The following PPP4R2 variants were observed in gnomAD, a reference collection of about 807,000 sequenced individuals.
The protein encoded by PPP4R2 is serine/threonine-protein phosphatase 4 regulatory subunit 2.
In PPP4R2, 13 loss-of-function variants were observed where a neutral mutation model predicts 47.2. That is an observed-to-expected ratio of 0.28 (90% CI 0.18 to 0.44). The LOEUF is 0.44. Among genes scored for constraint, PPP4R2 ranks in the 20% least tolerant of loss-of-function variants. PPP4R2 has a pLI of 1.00. For synonymous variants in PPP4R2, 151 were observed against 163.3 expected, an observed-to-expected ratio of 0.92 and a Z score of 0.57; for missense variants, 421 against 491.2, an observed-to-expected ratio of 0.86 and a Z score of 1.35.
intron 2 of PPP4R2, among the ~76,000 whole-genome samples, chr3:73,004,744 C>G (rs565554369): frequency 6.6e-6 from 1 of 152,266 alleles, no homozygotes; most frequent in South Asian, 2.1e-4. Context: ...CCATGCCTGG[C>G]CAGCTGTTAA....
chr3:73,040,411 T>C (rs958646362), intron 2 of PPP4R2, among the ~76,000 whole-genome samples: 5 of 152,084 alleles, frequency 3.3e-5, no homozygotes, highest in African/African-American at 1.2e-4. Context: ...CCTCAGGTGA[T>C]AAATAGATGC....
chr3:73,038,106 T>C (rs1308245678), intron 2 of PPP4R2, among the ~76,000 whole-genome samples: 2 of 152,016 alleles, frequency 1.3e-5, no homozygotes, highest in African/African-American at 2.4e-5. Context: ...TGATGGCAGA[T>C]TGGAATTGGT....
intron 3 of PPP4R2, among the ~76,000 whole-genome samples, chr3:73,058,452 A>C (rs992416950): frequency 6.6e-6 from 1 of 152,054 alleles, no homozygotes; most frequent in Non-Finnish European, 1.5e-5. Flanking sequence ...CTATTATATA[A>C]AAATTTTTTC....
At chr3:73,008,815 C>T (rs566619355) in intron 2 of PPP4R2, among the ~76,000 whole-genome samples, 2 of 152,232 alleles carry the variant, frequency 1.3e-5, no homozygotes, top group South Asian at 2.1e-4. Context: ...AGTACTTAAT[C>T]TTGTGGAATG....
chr3:73,039,911 A>G (rs541819929), intron 2 of PPP4R2, among the ~76,000 whole-genome samples: 3 of 152,242 alleles, frequency 2.0e-5, no homozygotes, highest in South Asian at 4.1e-4. Flanking sequence ...AAAATTAGCC[A>G]GGCATGGTGG....
intron 2 of PPP4R2, among the ~76,000 whole-genome samples, chr3:73,012,571 G>A (rs1701747791): frequency 6.6e-6 from 1 of 152,154 alleles, no homozygotes; most frequent in Non-Finnish European, 1.5e-5. Context: ...AAAGTGCTGG[G>A]GCTACAGGCG....
intron 2 of PPP4R2, among the ~76,000 whole-genome samples, chr3:73,028,088 C>G (rs1232077151): frequency 6.6e-6 from 1 of 151,514 alleles, no homozygotes; most frequent in East Asian, 2.0e-4. Flanking sequence ...GAAACCTCAT[C>G]TCTACTAAAA....
intron 1 of PPP4R2, 53 bp downstream of exon 1, chr3:72,997,124 T>G: frequency 1.6e-6 from 2 of 1,287,288 alleles, no homozygotes; most frequent in Admixed American, 3.6e-5. Context: ...GGCTCGCTCT[T>G]CTCTCCTTTC....
intron 2 of PPP4R2, among the ~76,000 whole-genome samples, chr3:73,008,830 C>G (rs1701667206): frequency 6.6e-6 from 1 of 152,144 alleles, no homozygotes; most frequent in South Asian, 2.1e-4. Flanking sequence ...GGAATGAACT[C>G]TGATTGGACA....
chr3:73,001,278 C>A (rs985110292), intron 2 of PPP4R2, among the ~76,000 whole-genome samples: 5 of 151,926 alleles, frequency 3.3e-5, no homozygotes, highest in African/African-American at 1.2e-4. Flanking sequence ...AATTTACTGG[C>A]CAGGTGCAGT....
chr3:73,046,540 A>G (rs999729511), intron 2 of PPP4R2, among the ~76,000 whole-genome samples: 7 of 152,186 alleles, frequency 4.6e-5, no homozygotes, highest in Non-Finnish European at 1.0e-4. Flanking sequence ...AAAGGTGTTT[A>G]TGTTAATTTG....
intron 2 of PPP4R2, chr3:73,015,832 G>T (rs1181376771): frequency 6.9e-6 from 3 of 437,770 alleles, no homozygotes. Flanking sequence ...TAGAGACGGG[G>T]TTTCACCATG....
intron 2 of PPP4R2, among the ~76,000 whole-genome samples, chr3:73,035,429 C>A (rs1702244477): frequency 6.6e-6 from 1 of 151,990 alleles, no homozygotes; most frequent in Admixed American, 6.6e-5. Context: ...ATGGCAGATT[C>A]TGGCAAGGGT....
At chr3:73,054,306 A>G (rs147776802) in intron 3 of PPP4R2, among the ~76,000 whole-genome samples, 16 of 152,364 alleles carry the variant, frequency 1.1e-4, no homozygotes, top group Non-Finnish European at 2.2e-4. Context: ...ATTCATAAAT[A>G]TAAATATTTA....
intron 2 of PPP4R2, among the ~76,000 whole-genome samples, chr3:73,028,607 ATTG>A (rs1167611420): frequency 2.0e-5 from 3 of 151,948 alleles, no homozygotes; most frequent in South Asian, 2.1e-4. Flanking sequence ...TGCCCAGCTA[ATTG>A]TTGTATTTTT....
At chr3:73,027,821 C>T (rs938420047) in intron 2 of PPP4R2, 1 of 151,106 alleles carries the variant, frequency 6.6e-6, no homozygotes, top group Non-Finnish European at 1.5e-5. Context: ...TGTTACAGCT[C>T]TTTTAGAATT....
chr3:73,050,155 G>A (rs1169374999), intron 3 of PPP4R2, among the ~76,000 whole-genome samples: 1 of 152,018 alleles, frequency 6.6e-6, no homozygotes, highest in African/African-American at 2.4e-5. Context: ...AGTAGAGACG[G>A]GGTTTTACCA....
intron 2 of PPP4R2, among the ~76,000 whole-genome samples, chr3:73,015,426 G>A (rs140940671): frequency 1.0e-4 from 15 of 150,356 alleles, no homozygotes; most frequent in African/African-American, 2.9e-4. Context: ...ATCCACCCGC[G>A]TTGGCCTCCC....
chr3:73,044,151 G>T (rs1279133547), intron 2 of PPP4R2, among the ~76,000 whole-genome samples: 2 of 152,094 alleles, frequency 1.3e-5, no homozygotes, highest in African/African-American at 4.8e-5. Flanking sequence ...TGGCACATTT[G>T]GGTTGTTTTC....
Sources: gnomAD v4.1 joint callset for allele counts (sites outside exome capture counted in the v4.1 genomes callset) on GRCh38, gnomAD v4.1.1 for gene constraint, MANE v1.5 for transcripts, NCBI Gene and HGNC (gene_info 2026-07-23, HGNC 2026-07-21) for gene names.